MAP3K7: variants seen among roughly 807,000 people sequenced by gnomAD.
MAP3K7 encodes TGF-beta activated kinase 1.
A neutral mutation model predicts 84.8 loss-of-function variants in MAP3K7; 21 were observed. The observed-to-expected ratio is 0.25, with a 90% CI of 0.18 to 0.36. The LOEUF (loss-of-function observed/expected upper bound fraction) is 0.36. Among genes scored for constraint, MAP3K7 ranks in the 10% least tolerant of loss-of-function variants. MAP3K7 has a pLI of 1.00. For missense variants in MAP3K7, 503 were observed against 747.7 expected (o/e 0.67, Z 3.82); for synonymous variants, 241 against 247.7 (o/e 0.97, Z 0.25).
chr6:90,555,420 G>A (rs897405350), intron 6 of MAP3K7, among the ~76,000 whole-genome samples: 9 of 151,928 alleles, frequency 5.9e-5, no homozygotes, highest in East Asian at 3.9e-4. Context: ...CACGCCCGGC[G>A]AATTTTTTGT....
At chr6:90,564,676 A>G (rs775549566) in intron 3 of MAP3K7, among the ~76,000 whole-genome samples, 11 of 152,248 alleles carry the variant, frequency 7.2e-5, no homozygotes, top group Non-Finnish European at 1.2e-4. Flanking sequence ...CAGAAAGTTA[A>G]CAAGGATATC....
Position 90,571,823 on chromosome 6 carries a change from A to C in MAP3K7, c.121-16T>G. 1.4e-6 allele frequency: 2 copies of C among 1,441,534 alleles called. No individual in the cohort carries two copies. Among genetic ancestry groups the C allele is most frequent in the Admixed American group, 2.0e-5 (1 of 50,788 alleles). 89.3% of individuals were successfully genotyped at this position (1,441,534 alleles called of 1,614,324 possible). ...TTCCAACAACCTGAGTTAAACAAAC[A>C]AACAAAAAACAAACAAAAAACACCA... On this transcript the variant is annotated splice_polypyrimidine_tract_variant and intron_variant, in intron 1 of 16. Coordinates refer to ENST00000369329, the MANE Select transcript of MAP3K7 (RefSeq NM_145331.3).
chr6:90,542,636 A>G (rs530008077), intron 12 of MAP3K7: 1 of 217,028 alleles, frequency 4.6e-6, no homozygotes, highest in East Asian at 1.8e-4. Flanking sequence ...TCCTGGCTAT[A>G]TGATTCTGGA....
intron 14 of MAP3K7, among the ~76,000 whole-genome samples, chr6:90,522,260 G>A (rs205339): frequency 0.7 from 106,829 of 151,900 alleles, 37,905 homozygotes; most frequent in Middle Eastern, 0.8. Context: ...CAACATATGA[G>A]GCAGAAATGT....
intron 12 of MAP3K7, among the ~76,000 whole-genome samples, chr6:90,538,440 T>C (rs1275248809): frequency 6.6e-6 from 1 of 151,830 alleles, no homozygotes; most frequent in East Asian, 1.9e-4. Context: ...CATGGTAGTG[T>C]AAATGGAAAA....
intron 13 of MAP3K7, among the ~76,000 whole-genome samples, chr6:90,536,019 T>C (rs1214363843): frequency 6.6e-6 from 1 of 152,170 alleles, no homozygotes; most frequent in Non-Finnish European, 1.5e-5. Flanking sequence ...AAGGACACTT[T>C]AATGATAAAT....
chr6:90,573,628 T>C (rs543087168), intron 1 of MAP3K7, among the ~76,000 whole-genome samples: 1 of 152,344 alleles, frequency 6.6e-6, no homozygotes, highest in Non-Finnish European at 1.5e-5. Context: ...ACACATTTAA[T>C]CCTCTTCCAT....
intron 13 of MAP3K7, among the ~76,000 whole-genome samples, chr6:90,533,050 C>T (rs1582175081): frequency 6.6e-6 from 1 of 152,312 alleles, no homozygotes; most frequent in African/African-American, 2.4e-5. Context: ...GTCAGTTTCT[C>T]TCATCCTCAC....
intron 12 of MAP3K7, 76 bp from the exon 13 acceptor site, chr6:90,536,477 A>C: frequency 9.1e-7 from 1 of 1,093,762 alleles, no homozygotes; most frequent in Non-Finnish European, 1.3e-6. Context: ...CTACAGCAGA[A>C]AGTTGGAATT....
rs758650476 is a variant in MAP3K7 at position 90,547,484 on chromosome 6, T to C, written c.1081-97A>G. On this transcript the variant is annotated intron_variant, in intron 10 of 16. Transcript: ENST00000369329. Reference sequence around the variant, plus strand: ...AGGAAGATGGCAAATGGGATTCTGATAGATCCTGTTCTGCTCTGAAAGGAG... The same window carrying C: ...AGGAAGATGGCAAATGGGATTCTGACAGATCCTGTTCTGCTCTGAAAGGAG... 85 of 1,350,526 alleles carry C rather than the reference T, an allele frequency of 6.3e-5. 2 individuals are homozygous for C. The highest frequency in any genetic ancestry group is 6.3e-4 in the Middle Eastern group (3 of 4,794). 83.7% of individuals were successfully genotyped at this position (1,350,526 alleles called of 1,614,324 possible). A position where few individuals can be genotyped will look rare whatever the true frequency, so the allele number is the denominator to read the frequency against.
chr6:90,575,571 GC>G (rs1374034309), intron 1 of MAP3K7, among the ~76,000 whole-genome samples: 1 of 152,146 alleles, frequency 6.6e-6, no homozygotes, highest in Non-Finnish European at 1.5e-5. Flanking sequence ...CTCTTGTGAA[GC>G]AAAAAGCAAG....
intron 14 of MAP3K7, among the ~76,000 whole-genome samples, chr6:90,521,239 T>G (rs1366356335): frequency 1.4e-5 from 2 of 146,520 alleles, no homozygotes; most frequent in Non-Finnish European, 1.5e-5. Context: ...CGGAAGATTA[T>G]TTAATGAAAG....
rs1444216903 is a variant in MAP3K7 at position 90,516,368 on chromosome 6, G to T, written c.*133C>A. ...AAGGAAAATAAACAATGAAAAAAAT[G>T]CAGCAAATATAGGCAGTTGGCATTC... On this transcript the variant is annotated 3_prime_UTR_variant, in exon 17 of 17. Transcript: ENST00000369329. 9.7e-6 allele frequency: 8 copies of T among 826,994 alleles called. No individual in the cohort carries two copies. The highest frequency in any genetic ancestry group is 1.7e-5 in the African/African-American group (1 of 57,196). The allele number at this position is 826,994 out of a possible 1,614,324, so 51.2% of individuals were successfully genotyped here.
intron 13 of MAP3K7, among the ~76,000 whole-genome samples, chr6:90,526,946 C>G (rs924038648): frequency 3.3e-5 from 5 of 151,910 alleles, no homozygotes; most frequent in Non-Finnish European, 7.4e-5. Context: ...AACTGAACCT[C>G]ACTTCCAAAA....
At chr6:90,556,464 GA>G in intron 6 of MAP3K7, 35 bp downstream of exon 6, 1 of 1,600,030 alleles carries the variant, frequency 6.2e-7, no homozygotes, top group Non-Finnish European at 8.5e-7. Flanking sequence ...AGGAGTGAGG[GA>G]GATTATCAAA....
chr6:90,516,462 C>A lies in MAP3K7; in HGVS notation c.*39G>T, dbSNP rs376157927. The A allele has an allele frequency of 5.4e-5, 85 of 1,584,174 alleles. No homozygotes were observed. The highest frequency in any genetic ancestry group is 2.2e-5 in the East Asian group (1 of 44,582). On this transcript the variant is annotated 3_prime_UTR_variant, in exon 17 of 17. Coordinates refer to ENST00000369329, the MANE Select transcript of MAP3K7 (RefSeq NM_145331.3). Reference sequence around the variant, plus strand: ...GTTTTCCTTTCCTTAAAAAAAAAGTCTTTCTTTGCATATTTCAAAATGTAA... The same window carrying A: ...GTTTTCCTTTCCTTAAAAAAAAAGTATTTCTTTGCATATTTCAAAATGTAA...
intron 1 of MAP3K7, among the ~76,000 whole-genome samples, chr6:90,579,910 G>A (rs1453078515): frequency 6.6e-6 from 1 of 152,168 alleles, no homozygotes; most frequent in Non-Finnish European, 1.5e-5. Flanking sequence ...AACAGGAAAC[G>A]CTGGTTAAGA....
chr6:90,544,959 C>T (rs1775958206), intron 11 of MAP3K7, among the ~76,000 whole-genome samples: 1 of 151,888 alleles, frequency 6.6e-6, no homozygotes, highest in Non-Finnish European at 1.5e-5. Flanking sequence ...AATCACTGAT[C>T]TGTGATGGGG....
At position 90,514,166 on chromosome 6, in the gene MAP3K7, G is replaced by A. The variant is rs967381791; in HGVS notation, c.*2335C>T. 2 of 151,936 alleles carry A rather than the reference G, an allele frequency of 1.3e-5. No homozygotes were observed. Among genetic ancestry groups the A allele is most frequent in the Admixed American group, 6.6e-5 (1 of 15,212 alleles). The allele number at this position is 151,936 out of a possible 1,614,324, so 9.4% of individuals were successfully genotyped here. ...TGTTTGCAATTTTCACCCAAAAAAC[G>A]GTCAAAATAAATTGTAAAACCAGAA... On this transcript the variant is annotated 3_prime_UTR_variant, in exon 17 of 17. Coordinates refer to ENST00000369329, the MANE Select transcript of MAP3K7 (RefSeq NM_145331.3).
Sources: gnomAD v4.1 joint callset for allele counts (sites outside exome capture counted in the v4.1 genomes callset) on GRCh38, gnomAD v4.1.1 for gene constraint, MANE v1.5 for transcripts, NCBI Gene and HGNC (gene_info 2026-07-23, HGNC 2026-07-21) for gene names.